The following KCNAB2 variants were observed in gnomAD, a reference collection of about 807,000 sequenced individuals.
KCNAB2 encodes voltage-gated potassium channel subunit beta-2.
A neutral mutation model predicts 63.6 loss-of-function variants in KCNAB2; 29 were observed. That is an observed-to-expected ratio of 0.46 (90% CI 0.34 to 0.62). The LOEUF (loss-of-function observed/expected upper bound fraction) is 0.62. Ranked by LOEUF, KCNAB2 falls within the 20% of genes least tolerant of loss-of-function variation. KCNAB2 has a pLI of 0.01. For synonymous variants in KCNAB2, 222 were observed against 224.2 expected, an observed-to-expected ratio of 0.99 and a Z score of 0.09; for missense variants, 359 against 563.9, an observed-to-expected ratio of 0.64 and a Z score of 3.68.
At chr1:6,081,806 T>C (rs1664234095) in intron 4 of KCNAB2, among the ~76,000 whole-genome samples, 4 of 152,172 alleles carry the variant, frequency 2.6e-5, no homozygotes, top group African/African-American at 7.2e-5. Context: ...GCTAATTACA[T>C]TGAAGAAGGC....
upstream of KCNAB2, among the ~76,000 whole-genome samples, chr1:6,044,774 G>A (rs2100487861): frequency 6.6e-6 from 1 of 152,296 alleles, no homozygotes; most frequent in South Asian, 2.1e-4. Context: ...CAGGAAAGGT[G>A]CAGGACGGCT....
chr1:6,079,309 C>T (rs1430264950), intron 4 of KCNAB2, among the ~76,000 whole-genome samples: 6 of 152,134 alleles, frequency 3.9e-5, no homozygotes, highest in Non-Finnish European at 1.5e-5. Context: ...CACTTGAGGT[C>T]AGGAGTTCGA....
intron 1 of KCNAB2, among the ~76,000 whole-genome samples, chr1:6,014,024 G>A (rs1419642180): frequency 6.6e-6 from 1 of 152,192 alleles, no homozygotes; most frequent in African/African-American, 2.4e-5. Flanking sequence ...AGTTTTCTCA[G>A]CTGTCATTTG....
At chr1:6,083,536 C>G (rs149148729) in intron 5 of KCNAB2, among the ~76,000 whole-genome samples, 1 of 152,218 alleles carries the variant, frequency 6.6e-6, no homozygotes, top group Non-Finnish European at 1.5e-5. Context: ...TGCCAGAAGA[C>G]CGGGGAGTCA....
At chr1:6,070,569 G>A (rs1157965749) in intron 2 of KCNAB2, among the ~76,000 whole-genome samples, 1 of 152,142 alleles carries the variant, frequency 6.6e-6, no homozygotes, top group Non-Finnish European at 1.5e-5. Flanking sequence ...TTTTTAACAT[G>A]GTAATAGTTA....
At chr1:6,089,479 C>T (rs1215153271) in intron 8 of KCNAB2, among the ~76,000 whole-genome samples, 6 of 152,332 alleles carry the variant, frequency 3.9e-5, no homozygotes, top group South Asian at 2.1e-4. Flanking sequence ...AGCAAGGCAC[C>T]GGGGTGTCTG....
At chr1:6,038,160 A>G (rs943387592) in intron 1 of KCNAB2, among the ~76,000 whole-genome samples, 3 of 151,508 alleles carry the variant, frequency 2.0e-5, no homozygotes, top group African/African-American at 7.3e-5. Flanking sequence ...TACAGGTGTG[A>G]TCCACCATGC....
Position 6,006,597 on chromosome 1 carries a change from C to T in KCNAB2, c.-53+13809C>T, listed in dbSNP as rs796872259. Among the ~76,000 whole-genome samples, 6 of 7,722 alleles carry T rather than the reference C, an allele frequency of 7.8e-4. 2 individuals are homozygous for T. The highest frequency in any genetic ancestry group is 1.2e-3 in the African/African-American group (3 of 2,432). 5.1% of individuals were successfully genotyped at this position (7,722 alleles called of 152,430 possible). Reference sequence around the variant, plus strand: ...CCACATCCCCCCACTTCACCCTCACCCCTCAGCTCAGCTCCCACATCCCCC... The same window carrying T: ...CCACATCCCCCCACTTCACCCTCACTCCTCAGCTCAGCTCCCACATCCCCC... On this transcript the variant is annotated intron_variant, in intron 1 of 16. Transcript: ENST00000341524.
At chr1:6,004,026 C>T (rs114147552) in intron 1 of KCNAB2, among the ~76,000 whole-genome samples, 1 of 152,200 alleles carries the variant, frequency 6.6e-6, no homozygotes, top group South Asian at 2.1e-4. Context: ...TTTATTCTTA[C>T]AGTCCCCCGG....
In KCNAB2 at chr1:6,051,556, G is replaced by A; in HGVS notation, c.20G>A (p.Ser7Asn). The A allele has an allele frequency of 1.3e-6, 2 of 1,532,136 alleles. No individual in the cohort carries two copies. The highest frequency in any genetic ancestry group is 1.7e-6 in the Non-Finnish European group (2 of 1,144,218). The allele number at this position is 1,532,136 out of a possible 1,614,324, so 94.9% of individuals were successfully genotyped here. A position where few individuals can be genotyped will look rare whatever the true frequency, so the allele number is the denominator to read the frequency against. ...GGCACCATGCTGTCCATGACGTACAGCGAGAGTCTGCGGAGCGTGAGCAGC... is the reference window on the plus strand; with the variant it reads ...GGCACCATGCTGTCCATGACGTACAACGAGAGTCTGCGGAGCGTGAGCAGC... MLSMTY[S>N]ESLRSVSSRC... The change falls in exon 2 of 16, where the codon AGC becomes AAC. Residue 7 changes from serine (S) to asparagine (N), a missense_variant. Transcript: ENST00000378083.
intron 1 of KCNAB2, among the ~76,000 whole-genome samples, chr1:6,025,319 C>T (rs1209808013): frequency 6.6e-6 from 1 of 152,148 alleles, no homozygotes; most frequent in African/African-American, 2.4e-5. Context: ...GGACTCAACA[C>T]GGTGCAGGTG....
rs187321732 is a variant in KCNAB2, at chr1:6,087,756, G to A, written c.470+245G>A. On this transcript the variant is annotated intron_variant, in intron 7 of 15. Coordinates refer to ENST00000378083, the MANE Select transcript of KCNAB2 (RefSeq NM_001199862.2). The surrounding 1 kb of genome is among the most constrained non-coding windows in gnomAD (Gnocchi z 6.4). The stretch of plus-strand genomic sequence containing the variant: ...CTGGTGCCTGTCCCTGTTAAGGGAC[G>A]TCAAATCCAGAAAAGAAGCTGTGGC... Among the ~76,000 whole-genome samples the A allele has an allele frequency of 2.0e-5, 3 of 152,362 alleles. No individual in the cohort carries two copies. Among genetic ancestry groups the A allele is most frequent in the East Asian group, 1.9e-4 (1 of 5,186 alleles).
upstream of KCNAB2, among the ~76,000 whole-genome samples, chr1:6,045,071 C>T (rs529191951): frequency 1.1e-4 from 17 of 152,258 alleles, no homozygotes; most frequent in South Asian, 3.1e-3. The surrounding 1 kb of genome is among the most constrained non-coding windows in gnomAD (Gnocchi z 4.8). Context: ...CCAAGGCCTT[C>T]GCAGCTAGTC....
intron 10 of KCNAB2, among the ~76,000 whole-genome samples, chr1:6,093,653 C>T (rs959646172): frequency 2.4e-4 from 36 of 152,234 alleles, no homozygotes; most frequent in African/African-American, 8.7e-4. Context: ...GGCCCTGGCC[C>T]CTCACAGGAG....
chr1:6,087,154 C>T lies in KCNAB2; in HGVS notation c.426-313C>T, dbSNP rs1247064445. Among the ~76,000 whole-genome samples the T allele has an allele frequency of 6.6e-6, 1 of 152,134 alleles. No homozygotes were observed. The highest frequency in any genetic ancestry group is 1.5e-5 in the Non-Finnish European group (1 of 68,020). On this transcript the variant is annotated intron_variant, in intron 6 of 15. Coordinates refer to ENST00000378083, the MANE Select transcript of KCNAB2 (RefSeq NM_001199862.2). The surrounding 1 kb of genome is among the most constrained non-coding windows in gnomAD (Gnocchi z 6.4). ...ACCCCTCATAGTCCCTGAGCCAGGC[C>T]CCCCTCCCACATCCTGGGCGGAAGG...
intron 2 of KCNAB2, among the ~76,000 whole-genome samples, chr1:6,068,967 T>G (rs1210079371): frequency 6.6e-6 from 1 of 152,148 alleles, no homozygotes; most frequent in Non-Finnish European, 1.5e-5. Flanking sequence ...CCAAGCCTGA[T>G]AAGTAAGGGA....
intron 15 of KCNAB2, 32 bp from the exon 16 acceptor site, chr1:6,098,453 G>A (rs1440753314): frequency 1.2e-6 from 2 of 1,612,536 alleles, no homozygotes; most frequent in Non-Finnish European, 1.7e-6. Context: ...CTTGTTGGTG[G>A]GATTCTGATT....
At position 6,099,889 on chromosome 1, in the gene KCNAB2, G is replaced by A; in HGVS notation, c.*1315G>A. ...CGTGCAGCTTGGGCCGGAGGGCAAG[G>A]GATGCCAGTAAGTCTGCAGGTGCGG... On this transcript the variant is annotated 3_prime_UTR_variant, in exon 16 of 16. Coordinates refer to ENST00000378083, the MANE Select transcript of KCNAB2 (RefSeq NM_001199862.2). 6.5e-7 allele frequency: 1 copy of A among 1,550,332 alleles called. No homozygotes were observed. The highest frequency in any genetic ancestry group is 8.7e-7 in the Non-Finnish European group (1 of 1,146,892).
intron 1 of KCNAB2, among the ~76,000 whole-genome samples, chr1:6,038,032 A>G (rs925103139): frequency 2.6e-5 from 4 of 151,068 alleles, no homozygotes; most frequent in Admixed American, 2.0e-4. Flanking sequence ...CCGCCATCAC[A>G]CCCAGCTAAT....
Sources: gnomAD v4.1 joint callset for allele counts (sites outside exome capture counted in the v4.1 genomes callset) on GRCh38, gnomAD v4.1.1 for gene constraint, Gnocchi (gnomAD v3.1) non-coding constraint, MANE v1.5 for transcripts, NCBI Gene and HGNC (gene_info 2026-07-23, HGNC 2026-07-21) for gene names.